ZNF714: variants seen among roughly 807,000 people sequenced by gnomAD.
The protein encoded by ZNF714 is zinc finger protein 714.
ZNF714 carries 32 observed loss-of-function variants against 46.2 expected under a neutral mutation model. That is an observed-to-expected ratio of 0.69 (90% CI 0.52 to 0.93). The LOEUF (loss-of-function observed/expected upper bound fraction) is 0.93, where lower values mean the gene tolerates loss of function less well. Among genes scored for constraint, ZNF714 ranks in the 40% least tolerant of loss-of-function variants. The pLI is 0.00. For synonymous variants in ZNF714, 199 were observed against 213.1 expected, an observed-to-expected ratio of 0.93 and a Z score of 0.58; for missense variants, 635 against 646.3, an observed-to-expected ratio of 0.98 and a Z score of 0.19.
At position 21,124,525 on chromosome 19, in the gene ZNF714, G is replaced by T. The variant is rs1340698415; in HGVS notation, c.*6193G>T. On this transcript the variant is annotated 3_prime_UTR_variant, in exon 5 of 5. Transcript: ENST00000456283. ...TTTCTTTCAACTTGAGAAAATGTGTGCTTTTTCTGTAGAACATATTTTGAA... is the reference window on the plus strand; with the variant it reads ...TTTCTTTCAACTTGAGAAAATGTGTTCTTTTTCTGTAGAACATATTTTGAA... Among the ~76,000 whole-genome samples, 2 of 152,036 alleles carry T rather than the reference G, an allele frequency of 1.3e-5. No homozygotes were observed. The highest frequency in any genetic ancestry group is 2.9e-5 in the Non-Finnish European group (2 of 67,984).
At chr19:21,105,899 G>T (rs914991582) in intron 4 of ZNF714, among the ~76,000 whole-genome samples, 15 of 151,936 alleles carry the variant, frequency 9.9e-5, no homozygotes, top group African/African-American at 3.4e-4. Context: ...AAGTTGCAGT[G>T]AGCCGAGATC....
intron 4 of ZNF714, among the ~76,000 whole-genome samples, chr19:21,106,656 A>AT (rs1050013554): frequency 1.4e-4 from 21 of 151,538 alleles, no homozygotes; most frequent in Non-Finnish European, 2.9e-4. Flanking sequence ...TTATGGCATT[A>AT]TTTTTTGAAA....
In ZNF714 at chr19:21,111,874, G is replaced by A. The variant is rs146238143; in HGVS notation, c.143-4933G>A. On this transcript the variant is annotated intron_variant, in intron 4 of 4. Transcript: ENST00000456283. ...TTGTCTTTAAATCTGTTTATGTGAT[G>A]AATTATGTTTATCGAGTTTTGTATG... Among the ~76,000 whole-genome samples the A allele has an allele frequency of 7.1e-3, 1,080 of 152,266 alleles. 14 individuals are homozygous for A. Among genetic ancestry groups the A allele is most frequent in the African/African-American group, 0.024 (987 of 41,542 alleles).
chr19:21,122,869 TA>T lies in ZNF714; in HGVS notation c.*4541del, dbSNP rs1290310891. The T allele has an allele frequency of 1.3e-5, 2 of 152,068 alleles. No homozygotes were observed. Among genetic ancestry groups the T allele is most frequent in the African/African-American group, 4.8e-5 (2 of 41,406 alleles). The allele number at this position is 152,068 out of a possible 1,614,324, so 9.4% of individuals were successfully genotyped here. On this transcript the variant is annotated 3_prime_UTR_variant, in exon 5 of 5. Coordinates refer to ENST00000456283, the MANE Select transcript of ZNF714 (RefSeq NM_182515.4). The stretch of plus-strand genomic sequence containing the variant: ...TAACATTCAGATTAGTTAATTAAGA[TA>T]AAAGCCAGGTGTGGTGGCTCACGCC...
chr19:21,104,802 G>A (rs554269293), intron 4 of ZNF714, among the ~76,000 whole-genome samples: 4 of 151,330 alleles, frequency 2.6e-5, no homozygotes, highest in South Asian at 4.2e-4. Flanking sequence ...TAGTAGAAAC[G>A]GGGGTTTTCA....
At chr19:21,091,870 T>C (rs73022630) in intron 2 of ZNF714, 11,521 of 152,166 alleles carry the variant, frequency 0.076, 499 homozygotes, top group Non-Finnish European at 0.086. Context: ...GATAGGCCTA[T>C]GCGGTTTGTG....
intron 2 of ZNF714, among the ~76,000 whole-genome samples, chr19:21,095,167 A>T (rs1481278652): frequency 1.3e-5 from 2 of 152,166 alleles, no homozygotes; most frequent in African/African-American, 4.8e-5. Context: ...CCTGTTGGGA[A>T]AAAGCTGGGT....
intron 4 of ZNF714, among the ~76,000 whole-genome samples, chr19:21,110,667 TATGTCCTGA>T (rs1969430712): frequency 6.6e-6 from 1 of 152,244 alleles, no homozygotes. Context: ...TGCCCATGCC[TATGTCCTGA>T]ATGGTATTGC....
Position 21,112,816 on chromosome 19 carries a change from A to ATTTTTTTTTTTTTTTTTTTTTTTTTTTT in ZNF714, c.143-3967_143-3966insTTTTTTTTTTTTTTTTTTTTTTTTTTTT. ...GTTTCAAATAGTTTTTTTATTTCTG[A>ATTTTTTTTTTTTTTTTTTTTTTTTTTTT]TTTTTTTTTTTTTTTTTTTTTTTTG... On this transcript the variant is annotated intron_variant, in intron 4 of 4. Transcript: ENST00000456283. 3.7e-4 allele frequency among the ~76,000 whole-genome samples: 16 copies of ATTTTTTTTTTTTTTTTTTTTTTTTTTTT among 43,210 alleles called. 4 individuals carry two copies. The highest frequency in any genetic ancestry group is 2.7e-3 in the Admixed American group (6 of 2,202). The allele number at this position is 43,210 out of a possible 152,430, so 28.3% of individuals were successfully genotyped here. A position where few individuals can be genotyped will look rare whatever the true frequency, so the allele number is the denominator to read the frequency against.
intron 2 of ZNF714, among the ~76,000 whole-genome samples, chr19:21,090,059 T>G (rs1304681501): frequency 6.6e-6 from 1 of 152,232 alleles, no homozygotes; most frequent in Non-Finnish European, 1.5e-5. Context: ...ACACAGACAT[T>G]AGCTACTCTC....
chr19:21,086,230 T>C (rs1290422334), intron 2 of ZNF714, among the ~76,000 whole-genome samples: 1 of 151,982 alleles, frequency 6.6e-6, no homozygotes, highest in Non-Finnish European at 1.5e-5. Context: ...AAGAAGAAAA[T>C]GTGCAGAGTT....
At chr19:21,095,651 A>G (rs912988724) in intron 2 of ZNF714, among the ~76,000 whole-genome samples, 1 of 151,608 alleles carries the variant, frequency 6.6e-6, no homozygotes, top group Non-Finnish European at 1.5e-5. Flanking sequence ...TATTTTTAGT[A>G]GAGATGGGGC....
intron 4 of ZNF714, among the ~76,000 whole-genome samples, chr19:21,111,719 G>T (rs1403056278): frequency 6.6e-6 from 1 of 152,142 alleles, no homozygotes; most frequent in East Asian, 1.9e-4. Context: ...CTGTGAGTTT[G>T]TCATAGATAG....
In ZNF714 at chr19:21,116,888, A is replaced by T. The variant is rs1245402350; in HGVS notation, c.224A>T (p.His75Leu). 6.2e-7 allele frequency: 1 copy of T among 1,613,912 alleles called. No individual in the cohort carries two copies. The highest frequency in any genetic ancestry group is 1.7e-5 in the Admixed American group (1 of 60,004). Reference protein sequence around the residue: ...DSFQQVILRRHGKCEHENLQL... With the variant: ...DSFQQVILRRLGKCEHENLQL... ...TTTCAACAAGTGATACTGAGAAGAC[A>T]TGGCAAATGTGAACATGAGAATTTA... is the stretch of plus-strand genomic sequence containing the variant. The change falls in exon 5 of 5, where the codon CAT becomes CTT. Residue 75 changes from histidine to leucine, a missense_variant. By Grantham distance (99) the His-to-Leu change is moderately conservative. Transcript: ENST00000456283.
rs1969644016 is a variant in ZNF714 at position 21,118,082 on chromosome 19, T to G, written c.1418T>G (p.Ile473Arg). Residue 473 changes from isoleucine (I) to arginine (R), a missense_variant, in exon 5 of 5, where the codon ATA becomes AGA. Coordinates refer to ENST00000456283, the MANE Select transcript of ZNF714 (RefSeq NM_182515.4). ...TCCTCAAACCTTACTAAACATAACATAATTCATACTGGAGAGAAATCTTAC... is the reference window on the plus strand; with the variant it reads ...TCCTCAAACCTTACTAAACATAACAGAATTCATACTGGAGAGAAATCTTAC... ...NRSSNLTKHN[I>R]IHTGEKSYKC... The G allele has an allele frequency of 6.2e-7, 1 of 1,613,822 alleles. No homozygotes were observed. Among genetic ancestry groups the G allele is most frequent in the Non-Finnish European group, 8.5e-7 (1 of 1,179,884 alleles).
chr19:21,086,582 A>G (rs929660230), intron 2 of ZNF714, among the ~76,000 whole-genome samples: 2 of 152,118 alleles, frequency 1.3e-5, no homozygotes, highest in African/African-American at 4.8e-5. Flanking sequence ...CTCTCGTCAC[A>G]TCTTGGTTTT....
rs1969752777 is a variant in ZNF714, at chr19:21,124,053, A to G, written c.*5721A>G. 1 of 152,172 alleles carries G rather than the reference A, an allele frequency of 6.6e-6. No individual in the cohort carries two copies. The highest frequency in any genetic ancestry group is 1.5e-5 in the Non-Finnish European group (1 of 68,040). 9.4% of individuals were successfully genotyped at this position (152,172 alleles called of 1,614,324 possible). ...CTGCCCCTTTAGTGGCTTTCATACCATTACCACCAGTACCAGAAACTCCAG... is the reference window on the plus strand; with the variant it reads ...CTGCCCCTTTAGTGGCTTTCATACCGTTACCACCAGTACCAGAAACTCCAG... On this transcript the variant is annotated 3_prime_UTR_variant, in exon 5 of 5. Coordinates refer to ENST00000456283, the MANE Select transcript of ZNF714 (RefSeq NM_182515.4).
In ZNF714 at chr19:21,120,373, T is replaced by C. The variant is rs1969685592; in HGVS notation, c.*2041T>C. On this transcript the variant is annotated 3_prime_UTR_variant, in exon 5 of 5. Transcript: ENST00000456283. ...TCTTTTTTATTAGGTGGGCATTATT[T>C]GTGATCTTTTCTATTGAAAAGTAAA... is the stretch of plus-strand genomic sequence containing the variant. 3.3e-5 allele frequency: 5 copies of C among 152,112 alleles called. No individual in the cohort carries two copies. 9.4% of individuals were successfully genotyped at this position (152,112 alleles called of 1,614,324 possible).
chr19:21,117,852 T>A lies in ZNF714; in HGVS notation c.1188T>A (p.Pro396=). Residue 396 remains proline, a synonymous_variant, in exon 5 of 5, where the codon CCT becomes CCA. Coordinates refer to ENST00000456283, the MANE Select transcript of ZNF714 (RefSeq NM_182515.4). Reference sequence around the variant, plus strand: ...AGATAATTCATACTGGAGAGAAACCTTACAAATGTGAAGAATGTGGCAAAG... The same window carrying A: ...AGATAATTCATACTGGAGAGAAACCATACAAATGTGAAGAATGTGGCAAAG... ...IHKIIHTGEK[P]YKCEECGKAF... is the part of the protein sequence containing the mutation. 3.1e-6 allele frequency: 5 copies of A among 1,604,972 alleles called. No individual in the cohort carries two copies. The highest frequency in any genetic ancestry group is 4.2e-6 in the Non-Finnish European group (5 of 1,176,534).
Sources: allele counts gnomAD v4.1 joint callset (sites outside exome capture counted in the v4.1 genomes callset), GRCh38; gene constraint gnomAD v4.1.1; transcripts MANE v1.5; gene names NCBI Gene and HGNC (gene_info 2026-07-23, HGNC 2026-07-21).